The following WDR81 variants were observed in gnomAD, a reference collection of about 807,000 sequenced individuals.
The protein encoded by WDR81 is WD repeat-containing protein 81.
Under a neutral mutation model 140.8 loss-of-function variants are expected in WDR81, and 92 were observed. That is an observed-to-expected ratio of 0.65 (90% CI 0.55 to 0.78). The LOEUF (loss-of-function observed/expected upper bound fraction) is 0.78. WDR81 is among the 30% of genes least tolerant of loss of function. The probability of loss-of-function intolerance (pLI) is 0.00; values close to 1 mark genes in which losing one functional copy is unlikely to be tolerated. For synonymous variants in WDR81, 1,183 were observed against 1,156.4 expected, an observed-to-expected ratio of 1.02 and a Z score of -0.47; for missense variants, 2,502 against 2,636.4, an observed-to-expected ratio of 0.95 and a Z score of 1.12.
chr17:1,730,000 A>G (rs144828280), intron 1 of WDR81, among the ~76,000 whole-genome samples: 1 of 100,388 alleles, frequency 1.0e-5, no homozygotes, highest in Non-Finnish European at 2.3e-5. Flanking sequence ...CAAAAAAAAA[A>G]AAAAAGAAGA....
Position 1,725,806 on chromosome 17 carries a change from G to T in WDR81, c.847G>T (p.Ala283Ser). 1 of 1,550,638 alleles carries T rather than the reference G, an allele frequency of 6.4e-7. No individual in the cohort carries two copies. The highest frequency in any genetic ancestry group is 8.7e-7 in the Non-Finnish European group (1 of 1,146,968). ...ACHRQGLACG[A>S]LSLYHIAVDE... ...TCACCGCCAGGGGCTGGCGTGTGGG[G>T]CCCTGTCTTTGTATCACATCGCAGT... is the stretch of plus-strand genomic sequence containing the variant. Residue 283 changes from alanine to serine, a missense_variant, in exon 1 of 10, where the codon GCC becomes TCC. Ala to Ser is a moderately conservative substitution (Grantham distance 99). Around this residue, in one of 3 missense-constraint regions of WDR81, gnomAD observed 547 missense variants for 513.8 expected, o/e 1.06. Transcript: ENST00000409644.
In WDR81 at chr17:1,724,922, G is replaced by T. The variant is rs1440832017; in HGVS notation, c.-38G>T. 2 of 1,334,642 alleles carry T rather than the reference G, an allele frequency of 1.5e-6. No homozygotes were observed. Among genetic ancestry groups the T allele is most frequent in the East Asian group, 3.0e-5 (1 of 33,322 alleles). The allele number at this position is 1,334,642 out of a possible 1,614,324, so 82.7% of individuals were successfully genotyped here. ...GCCGTCGCCAGCAGGGCCGTGGCTGGGCTCAGCCCCGCGCTGCCCCCGGGC... is the reference window on the plus strand; with the variant it reads ...GCCGTCGCCAGCAGGGCCGTGGCTGTGCTCAGCCCCGCGCTGCCCCCGGGC... On this transcript the variant is annotated 5_prime_UTR_variant, in exon 1 of 10. Transcript: ENST00000409644.
In WDR81 at chr17:1,735,984, T is replaced by G; in HGVS notation, c.5326-55T>G. The G allele has an allele frequency of 3.2e-6, 5 of 1,548,630 alleles. No homozygotes were observed. The highest frequency in any genetic ancestry group is 4.3e-6 in the Non-Finnish European group (5 of 1,152,074). ...TGGGCTTGGGTGGTGGGCAGGGCCT[T>G]GGGGAGTGTGAGATGGGAAGGTGGT... On this transcript the variant is annotated intron_variant, in intron 8 of 9. Coordinates refer to ENST00000409644, the MANE Select transcript of WDR81 (RefSeq NM_001163809.2). The surrounding 1 kb of genome is among the most constrained non-coding windows in gnomAD (Gnocchi z 4.2).
chr17:1,726,645 G>T lies in WDR81; in HGVS notation c.1686G>T (p.Lys562Asn). ...AGGGTAAGGAGGCTGTCAAGGAAAA[G>T]AATGTGTGTCTGCACCTGGTGGACG... ...KLQGKEAVKEKNVCLHLVDAH... is the reference protein window; with the variant it reads ...KLQGKEAVKENNVCLHLVDAH... The change falls in exon 1 of 10, where the codon AAG becomes AAT. Residue 562 changes from lysine to asparagine, a missense_variant. This residue lies in a region of WDR81 where 218 missense variants were observed against 279.6 expected (regional missense o/e 0.78). Coordinates refer to ENST00000409644, the MANE Select transcript of WDR81 (RefSeq NM_001163809.2). The T allele has an allele frequency of 6.5e-7, 1 of 1,550,296 alleles. No individual in the cohort carries two copies. The highest frequency in any genetic ancestry group is 8.7e-7 in the Non-Finnish European group (1 of 1,146,970).
exon 1 of WDR81, chr17:1,716,630 C>T (rs905794190): frequency 9.7e-6 from 15 of 1,551,580 alleles, no homozygotes; most frequent in Non-Finnish European, 1.3e-5. Context: ...ACCCAGCGCG[C>T]TCTGTGAGTT....
At position 1,728,246 on chromosome 17, in the gene WDR81, A is replaced by G. The variant is rs1209131331; in HGVS notation, c.3287A>G (p.Gln1096Arg). 1.2e-6 allele frequency: 2 copies of G among 1,611,416 alleles called. No homozygotes were observed. Among genetic ancestry groups the G allele is most frequent in the East Asian group, 4.5e-5 (2 of 44,844 alleles). Residue 1096 changes from glutamine to arginine, a missense_variant, in exon 1 of 10, where the codon CAG (glutamine) becomes CGG (arginine). Coordinates refer to ENST00000409644, the MANE Select transcript of WDR81 (RefSeq NM_001163809.2). ...QAGLYVTESP[Q>R]PQEAEAVSLG... is the part of the protein sequence containing the mutation. ...GGGCTCTATGTGACTGAGTCTCCCC[A>G]GCCCCAGGAGGCTGAGGCTGTGAGC...
At chr17:1,732,568 A>G (rs1391970023) in intron 5 of WDR81, 78 bp downstream of exon 5, 3 of 1,552,516 alleles carry the variant, frequency 1.9e-6, no homozygotes, top group Non-Finnish European at 1.7e-6. Context: ...TCTTGCTCAT[A>G]GGATCTGAAG....
chr17:1,737,495 G>T lies in WDR81; in HGVS notation c.5636G>T (p.Gly1879Val), dbSNP rs1225422328. ...SDPIHTFDLYGSEVVTGTVSN... is the reference protein window; with the variant it reads ...SDPIHTFDLYVSEVVTGTVSN... ...CCCATCCACACCTTTGACCTGTACGGCAGCGAGGTGGTCACTGGCACCGTG... is the reference window on the plus strand; with the variant it reads ...CCCATCCACACCTTTGACCTGTACGTCAGCGAGGTGGTCACTGGCACCGTG... Residue 1879 changes from glycine to valine, a missense_variant, in exon 10 of 10, where the codon GGC becomes GTC. Transcript: ENST00000409644. 6.2e-7 allele frequency: 1 copy of T among 1,613,150 alleles called. No homozygotes were observed. The highest frequency in any genetic ancestry group is 8.5e-7 in the Non-Finnish European group (1 of 1,179,982).
At chr17:1,724,351 A>G (rs1009291905), upstream of WDR81, among the ~76,000 whole-genome samples, 1 of 152,144 alleles carries the variant, frequency 6.6e-6, no homozygotes, top group Non-Finnish European at 1.5e-5. Context: ...GCGACAGAGC[A>G]AGACTCCGTC....
Position 1,735,596 on chromosome 17 carries a change from C to A in WDR81, c.5204C>A (p.Pro1735Gln), listed in dbSNP as rs569166821. ...GGGAAGACCCTTCGCACAGTGGAGC[C>A]GCTGGACAGCCGGGTGCCCCTGACT... ...FTGKTLRTVE[P>Q]LDSRVPLTAV... The change falls in exon 8 of 10, where the codon CCG (proline) becomes CAG (glutamine). Residue 1735 changes from proline (P) to glutamine (Q), a missense_variant. Pro to Gln is a moderately conservative substitution (Grantham distance 76). Around this residue, in one of 3 missense-constraint regions of WDR81, gnomAD observed 1,737 missense variants for 1,843.0 expected, o/e 0.94. Coordinates refer to ENST00000409644, the MANE Select transcript of WDR81 (RefSeq NM_001163809.2). This position sits in a 1 kb window ranked among gnomAD's most constrained non-coding sequence, Gnocchi z 4.2. 1 of 1,612,158 alleles carries A rather than the reference C, an allele frequency of 6.2e-7. No homozygotes were observed. Among genetic ancestry groups the A allele is most frequent in the Admixed American group, 1.7e-5 (1 of 59,952 alleles).
chr17:1,733,578 C>A lies in WDR81; in HGVS notation c.4541C>A (p.Ala1514Glu). ...IPNHELVGEL[A>E]ALYLESISPS... ...AACCACGAGCTGGTTGGGGAGCTGG[C>A]GGCGCTGTACTTGGAGAGCATCAGC... Residue 1514 changes from alanine to glutamate, a missense_variant, in exon 7 of 10, where the codon GCG becomes GAG. Around this residue, in one of 3 missense-constraint regions of WDR81, gnomAD observed 1,737 missense variants for 1,843.0 expected, o/e 0.94. Transcript: ENST00000409644. 6.5e-7 allele frequency: 1 copy of A among 1,531,044 alleles called. No homozygotes were observed. The highest frequency in any genetic ancestry group is 8.8e-7 in the Non-Finnish European group (1 of 1,139,844). 94.8% of individuals were successfully genotyped at this position (1,531,044 alleles called of 1,614,324 possible).
At chr17:1,736,798 C>T (rs993259632) in intron 9 of WDR81, among the ~76,000 whole-genome samples, 2 of 152,196 alleles carry the variant, frequency 1.3e-5, no homozygotes, top group African/African-American at 4.8e-5. Flanking sequence ...GGGAGGATTT[C>T]TGCAGGCAGC....
At chr17:1,717,943 G>T (rs774298087) in intron 1 of WDR81, among the ~76,000 whole-genome samples, 2 of 152,078 alleles carry the variant, frequency 1.3e-5, no homozygotes. Flanking sequence ...GTGAACCCGA[G>T]GACCAAGCCT....
At chr17:1,724,299 G>C (rs943891595), upstream of WDR81, among the ~76,000 whole-genome samples, 4 of 152,260 alleles carry the variant, frequency 2.6e-5, no homozygotes, top group African/African-American at 9.6e-5. Context: ...GGGAGGCAGA[G>C]GTTGCGGTGA....
In WDR81 at chr17:1,727,101, T is replaced by C. The variant is rs59643265; in HGVS notation, c.2142T>C (p.Gly714=). 0.27 allele frequency: 412,054 copies of C among 1,546,454 alleles called. 57,254 individuals carry two copies. The highest frequency in any genetic ancestry group is 0.52 in the East Asian group (21,054 of 40,808). The change falls in exon 1 of 10, where the codon GGT becomes GGC. Residue 714 remains glycine (G), a synonymous_variant. Coordinates refer to ENST00000409644, the MANE Select transcript of WDR81 (RefSeq NM_001163809.2). The stretch of plus-strand genomic sequence containing the variant: ...CTGCTGGGGCAGACCCTGGGGAGGG[T>C]GAGGAGGGGAGGATTCTTCTTCCCG... ...NKAAGADPGE[G]EEGRILLPEG...
chr17:1,718,565 C>T (rs1262097536), intron 1 of WDR81, among the ~76,000 whole-genome samples: 1 of 152,220 alleles, frequency 6.6e-6, no homozygotes, highest in East Asian at 1.9e-4. Context: ...GACACGTTGG[C>T]CCCAGAAGCC....
At chr17:1,730,134 G>A (rs938883801) in intron 1 of WDR81, among the ~76,000 whole-genome samples, 6 of 152,218 alleles carry the variant, frequency 3.9e-5, no homozygotes, top group East Asian at 1.9e-4. Context: ...GAAGACCCAC[G>A]GGCAGGCTAA....
chr17:1,725,160 C>G lies in WDR81; in HGVS notation c.201C>G (p.Arg67=). ...LVPARWLASL[R]DRRLPLGPCP... is the part of the protein sequence containing the mutation. The stretch of plus-strand genomic sequence containing the variant: ...CTGCGCGCTGGCTGGCCAGCCTCCG[C>G]GATCGCCGGCTGCCCCTGGGACCCT... The change falls in exon 1 of 10, where the codon CGC becomes CGG. Residue 67 remains arginine (R), a synonymous_variant. Coordinates refer to ENST00000409644, the MANE Select transcript of WDR81 (RefSeq NM_001163809.2). The G allele has an allele frequency of 1.3e-6, 2 of 1,533,800 alleles. No individual in the cohort carries two copies. The highest frequency in any genetic ancestry group is 1.7e-6 in the Non-Finnish European group (2 of 1,144,520).
rs1333821604 is a variant in WDR81, at chr17:1,737,427, G to C, written c.5568G>C (p.Glu1856Asp). The C allele has an allele frequency of 3.1e-6, 5 of 1,612,860 alleles. No homozygotes were observed. Among genetic ancestry groups the C allele is most frequent in the African/African-American group, 2.7e-5 (2 of 74,918 alleles). ...ACCATTCCTTGACCGTCTGGAAGGA[G>C]CTGGAGCAGAAGCCCACCCATCACT... The part of the protein sequence containing the change: ...SSDHSLTVWK[E>D]LEQKPTHHYK... The change falls in exon 10 of 10, where the codon GAG (glutamate) becomes GAC (aspartate). Residue 1856 changes from glutamate to aspartate, a missense_variant. By Grantham distance (45) the Glu-to-Asp change is conservative (BLOSUM62 2). This residue lies in a region of WDR81 where 1,737 missense variants were observed against 1,843.0 expected (regional missense o/e 0.94). Coordinates refer to ENST00000409644, the MANE Select transcript of WDR81 (RefSeq NM_001163809.2).
Sources: gnomAD v4.1 joint callset for allele counts (sites outside exome capture counted in the v4.1 genomes callset) on GRCh38, gnomAD v4.1.1 for gene constraint, gnomAD v4.1.1 regional missense constraint, Gnocchi (gnomAD v3.1) non-coding constraint, MANE v1.5 for transcripts, NCBI Gene and HGNC (gene_info 2026-07-23, HGNC 2026-07-21) for gene names.